ULK4: variants seen among roughly 807,000 people sequenced by gnomAD.
The protein encoded by ULK4 is unc-51 like kinase 4.
In ULK4, 133 loss-of-function variants were observed where a neutral mutation model predicts 160.6. The ratio of observed to expected loss-of-function variants is 0.83; its 90% confidence interval spans 0.72 to 0.96. The LOEUF (loss-of-function observed/expected upper bound fraction) is 0.96, where lower values mean the gene tolerates loss of function less well. Among genes scored for constraint, ULK4 ranks in the 40% least tolerant of loss-of-function variants. The pLI, the probability that ULK4 is intolerant of heterozygous loss-of-function variation, is 0.00. For synonymous variants in ULK4, 534 were observed against 539.8 expected, an observed-to-expected ratio of 0.99 and a Z score of 0.15; for missense variants, 1,580 against 1,499.5, an observed-to-expected ratio of 1.05 and a Z score of -0.89.
intron 32 of ULK4, among the ~76,000 whole-genome samples, chr3:41,504,832 A>T (rs1575323207): frequency 6.6e-6 from 1 of 152,186 alleles, no homozygotes; most frequent in African/African-American, 2.4e-5. Flanking sequence ...CAAGAGTCAT[A>T]ATTTAAAATT....
chr3:41,388,194 A>G (rs780488612), intron 35 of ULK4, among the ~76,000 whole-genome samples: 2 of 152,030 alleles, frequency 1.3e-5, no homozygotes, highest in Non-Finnish European at 2.9e-5. Flanking sequence ...GTCTGTTCAT[A>G]TCCTTCACCC....
At chr3:41,441,263 T>C (rs1465615405) in intron 34 of ULK4, among the ~76,000 whole-genome samples, 3 of 152,100 alleles carry the variant, frequency 2.0e-5, no homozygotes, top group African/African-American at 7.2e-5. Flanking sequence ...TTCCCAAACT[T>C]TTCTAAAAGA....
intron 30 of ULK4, among the ~76,000 whole-genome samples, chr3:41,647,201 T>G (rs1359467908): frequency 1.3e-5 from 2 of 152,258 alleles, no homozygotes; most frequent in Admixed American, 1.3e-4. Context: ...CTCGTCAAAG[T>G]CATTCTCCAT....
chr3:41,491,508 A>G (rs2084762807), intron 32 of ULK4, among the ~76,000 whole-genome samples: 1 of 152,112 alleles, frequency 6.6e-6, no homozygotes, highest in Non-Finnish European at 1.5e-5. Flanking sequence ...TATAGAAATT[A>G]GGTACAAAAA....
chr3:41,341,587 G>A (rs1437982217), intron 35 of ULK4, among the ~76,000 whole-genome samples: 1 of 152,164 alleles, frequency 6.6e-6, no homozygotes, highest in Non-Finnish European at 1.5e-5. Flanking sequence ...TGGGCTGGTA[G>A]GATGCAGCCA....
At chr3:41,432,851 C>A (rs2082945078) in intron 34 of ULK4, among the ~76,000 whole-genome samples, 1 of 151,716 alleles carries the variant, frequency 6.6e-6, no homozygotes, top group African/African-American at 2.4e-5. Flanking sequence ...CTACCTATTC[C>A]TTACAATAAA....
intron 29 of ULK4, among the ~76,000 whole-genome samples, chr3:41,674,506 T>A (rs544428378): frequency 6.6e-6 from 1 of 152,196 alleles, no homozygotes; most frequent in Non-Finnish European, 1.5e-5. Context: ...GAAGAAAATC[T>A]TTGCTCATTA....
chr3:41,534,303 G>A lies in ULK4; in HGVS notation c.3226+31722C>T, dbSNP rs539890176. Among the ~76,000 whole-genome samples, 70 of 152,224 alleles carry A rather than the reference G, an allele frequency of 4.6e-4. 1 individual carries two copies. The highest frequency in any genetic ancestry group is 1.6e-3 in the African/African-American group (65 of 41,548). On this transcript the variant is annotated intron_variant, in intron 32 of 36. Transcript: ENST00000301831. Reference sequence around the variant, plus strand: ...TTTGGCGGTGCCACAGTTTTTTACTGTTGCAGTGTGTCATGTAAATCCATT... The same window carrying A: ...TTTGGCGGTGCCACAGTTTTTTACTATTGCAGTGTGTCATGTAAATCCATT...
chr3:41,398,078 C>T lies in ULK4; in HGVS notation c.3678+1G>A, dbSNP rs749696457. ...TGTCCCCGGTTTCTGTGTGAACTCA[C>T]CATTCTTCTGAGAATCCTTAACAGA... is the stretch of plus-strand genomic sequence containing the variant. On this transcript the variant is annotated splice_donor_variant, in intron 35 of 36. Coordinates refer to ENST00000301831, the MANE Select transcript of ULK4 (RefSeq NM_017886.4). LOFTEE classifies it high-confidence loss of function. 6.2e-7 allele frequency: 1 copy of T among 1,611,956 alleles called. No individual in the cohort carries two copies. Among genetic ancestry groups the T allele is most frequent in the African/African-American group, 1.3e-5 (1 of 74,756 alleles).
intron 19 of ULK4, among the ~76,000 whole-genome samples, chr3:41,804,964 G>A (rs187221658): frequency 0.12 from 18,531 of 151,660 alleles, 1,258 homozygotes; most frequent in Middle Eastern, 0.26. Flanking sequence ...TTGGCGATGC[G>A]GGCTCTTTTT....
At chr3:41,456,358 T>C (rs1007257494) in intron 33 of ULK4, among the ~76,000 whole-genome samples, 9 of 151,970 alleles carry the variant, frequency 5.9e-5, no homozygotes, top group African/African-American at 2.2e-4. Flanking sequence ...CAAATGCTAA[T>C]CTCCTCTGAG....
chr3:41,331,711 A>C (rs532789220), intron 35 of ULK4, among the ~76,000 whole-genome samples: 1 of 152,172 alleles, frequency 6.6e-6, no homozygotes, highest in Non-Finnish European at 1.5e-5. Context: ...AATTCACAGA[A>C]TCTCTAAAGT....
intron 32 of ULK4, among the ~76,000 whole-genome samples, chr3:41,502,357 CTTATCTT>C (rs1434156197): frequency 1.3e-5 from 2 of 152,294 alleles, no homozygotes; most frequent in East Asian, 3.9e-4. Flanking sequence ...TTTGCCAGCA[CTTATCTT>C]TTATCTTTTA....
At chr3:41,912,621 T>C (rs1205835969) in intron 9 of ULK4, among the ~76,000 whole-genome samples, 186 bp downstream of exon 9, 1 of 152,164 alleles carries the variant, frequency 6.6e-6, no homozygotes, top group Non-Finnish European at 1.5e-5. Context: ...ACAGAAAATA[T>C]GCAAAATCAA....
chr3:41,538,351 T>C (rs79358276), intron 32 of ULK4, among the ~76,000 whole-genome samples: 4,028 of 118,426 alleles, frequency 0.034, 183 homozygotes, highest in African/African-American at 0.1. Flanking sequence ...GAATTTCCCT[T>C]TTGTTTTTTT....
At chr3:41,677,754 G>A (rs1318902052) in intron 29 of ULK4, among the ~76,000 whole-genome samples, 4 of 152,070 alleles carry the variant, frequency 2.6e-5, no homozygotes, top group Non-Finnish European at 4.4e-5. Flanking sequence ...CGTTGTGATG[G>A]TTAACTTTAT....
At chr3:41,869,904 A>C (rs1447450028) in intron 17 of ULK4, among the ~76,000 whole-genome samples, 1 of 152,200 alleles carries the variant, frequency 6.6e-6, no homozygotes, top group Non-Finnish European at 1.5e-5. Flanking sequence ...AAATTCTCTC[A>C]GTTTGGAGAC....
At chr3:41,763,023 A>T (rs1197037260) in intron 21 of ULK4, among the ~76,000 whole-genome samples, 1 of 152,140 alleles carries the variant, frequency 6.6e-6, no homozygotes, top group African/African-American at 2.4e-5. Flanking sequence ...TCACAAGAAC[A>T]GCATGGGGGA....
chr3:41,314,055 A>T (rs1293657392), intron 35 of ULK4, among the ~76,000 whole-genome samples: 1 of 152,162 alleles, frequency 6.6e-6, no homozygotes, highest in Non-Finnish European at 1.5e-5. Context: ...CCTTCAGATG[A>T]TTCCAACCCC....
Sources: allele counts gnomAD v4.1 joint callset (sites outside exome capture counted in the v4.1 genomes callset), GRCh38; gene constraint gnomAD v4.1.1; transcripts MANE v1.5; gene names NCBI Gene and HGNC (gene_info 2026-07-23, HGNC 2026-07-21).